SRGAP3: variants seen among roughly 807,000 people sequenced by gnomAD.
SRGAP3 encodes the protein SLIT-ROBO Rho GTPase activating protein 3, also known as SLIT-ROBO Rho GTPase-activating protein 3.
Under a neutral mutation model 121.1 loss-of-function variants are expected in SRGAP3, and 39 were observed. That is an observed-to-expected ratio of 0.32 (90% CI 0.25 to 0.42). The LOEUF (loss-of-function observed/expected upper bound fraction) is 0.42. Among genes scored for constraint, SRGAP3 ranks in the 10% least tolerant of loss-of-function variants. SRGAP3 has a pLI of 1.00. For synonymous variants in SRGAP3, 601 were observed against 570.0 expected (o/e 1.05, Z -0.77); for missense variants, 1,213 against 1,470.6 (o/e 0.82, Z 2.86).
intron 3 of SRGAP3, among the ~76,000 whole-genome samples, chr3:9,101,150 C>G (rs574873047): frequency 1.3e-5 from 2 of 152,298 alleles, no homozygotes; most frequent in East Asian, 3.9e-4. Context: ...AATGAGCTAT[C>G]CTGAGAGGTA....
intron 1 of SRGAP3, among the ~76,000 whole-genome samples, chr3:9,151,073 G>A (rs1230127442): frequency 6.6e-6 from 1 of 152,218 alleles, no homozygotes; most frequent in Non-Finnish European, 1.5e-5. Flanking sequence ...GTCTTTACCT[G>A]GGATGGCTTG....
chr3:9,022,832 T>C (rs1205581893), intron 14 of SRGAP3, among the ~76,000 whole-genome samples: 2 of 152,020 alleles, frequency 1.3e-5, no homozygotes, highest in Admixed American at 6.5e-5. Context: ...ACTGCATCCG[T>C]GAGGAAAAGA....
intron 1 of SRGAP3, among the ~76,000 whole-genome samples, chr3:9,336,174 T>C (rs1228554684): frequency 1.3e-5 from 2 of 152,246 alleles, no homozygotes; most frequent in African/African-American, 4.8e-5. Context: ...TCAATGCTTT[T>C]CAGAACTTGT....
At chr3:9,079,975 G>T (rs1391234472) in intron 4 of SRGAP3, 50 bp downstream of exon 4, 4 of 1,604,408 alleles carry the variant, frequency 2.5e-6, no homozygotes, top group Non-Finnish European at 3.4e-6. Context: ...CTCTGGTGAT[G>T]AAGACAGAGA....
intron 1 of SRGAP3, among the ~76,000 whole-genome samples, chr3:9,337,227 T>G (rs1336578130): frequency 6.6e-6 from 1 of 152,214 alleles, no homozygotes; most frequent in African/African-American, 2.4e-5. Flanking sequence ...CTTTACTCAG[T>G]CTACCAATTT....
chr3:9,312,692 A>G (rs1955268992), intron 3 of SRGAP3, among the ~76,000 whole-genome samples: 1 of 152,184 alleles, frequency 6.6e-6, no homozygotes, highest in Admixed American at 6.5e-5. Context: ...AGGTTCTTTT[A>G]AAATAGACAA....
intron 1 of SRGAP3, among the ~76,000 whole-genome samples, chr3:9,184,103 G>A (rs957017696): frequency 1.3e-5 from 2 of 152,150 alleles, no homozygotes; most frequent in Non-Finnish European, 2.9e-5. Context: ...CTGTAAAGGG[G>A]CTTAAGGAAG....
intron 12 of SRGAP3, among the ~76,000 whole-genome samples, chr3:9,031,614 C>G (rs968254148): frequency 6.6e-6 from 1 of 152,308 alleles, no homozygotes; most frequent in South Asian, 2.1e-4. Flanking sequence ...TGCTTACCCC[C>G]TCCCCTGCCT....
intron 10 of SRGAP3, among the ~76,000 whole-genome samples, chr3:9,039,001 G>T (rs984070981): frequency 4.6e-5 from 7 of 152,072 alleles, no homozygotes; most frequent in African/African-American, 1.7e-4. Context: ...AGGCACTACT[G>T]CTTCCTCCCC....
In SRGAP3 at chr3:9,064,599, G is replaced by C; in HGVS notation, c.487-18C>G. 6.2e-7 allele frequency: 1 copy of C among 1,613,744 alleles called. No homozygotes were observed. The highest frequency in any genetic ancestry group is 8.5e-7 in the Non-Finnish European group (1 of 1,179,946). On this transcript the variant is annotated intron_variant, in intron 4 of 21. Transcript: ENST00000383836. ...TTCATGACCTGGGGGTGCACAAGTA[G>C]GGGAAATCAGCAGCCAGCTATGGCC...
chr3:9,004,742 A>T (rs1942968736), intron 18 of SRGAP3, among the ~76,000 whole-genome samples: 1 of 152,232 alleles, frequency 6.6e-6, no homozygotes, highest in South Asian at 2.1e-4. Flanking sequence ...ATAAAGTTTG[A>T]CCATTACCTT....
intron 1 of SRGAP3, among the ~76,000 whole-genome samples, chr3:9,337,084 T>C (rs1955706127): frequency 6.6e-6 from 1 of 152,124 alleles, no homozygotes; most frequent in African/African-American, 2.4e-5. Context: ...GGTGAGCCCT[T>C]GCAAAAAGGC....
At position 9,015,603 on chromosome 3, in the gene SRGAP3, T is replaced by C. The variant is rs887005054; in HGVS notation, c.1807A>G (p.Thr603Ala). The change falls in exon 15 of 22, where the codon ACT (threonine) becomes GCT (alanine). Residue 603 changes from threonine (T) to alanine (A), a missense_variant. Physicochemically the swap from Thr to Ala is moderately conservative, Grantham distance 58. Around this residue, in one of 2 missense-constraint regions of SRGAP3, gnomAD observed 793 missense variants for 1,032.9 expected, o/e 0.77. Transcript: ENST00000383836. ...TCACCTGGGAAATACTTACTAATAG[T>C]AGATATCAAATCTTGAAACCTTTCC... ...PKERFQDLIS[T>A]IKLENPAERV... The C allele has an allele frequency of 4.3e-6, 7 of 1,614,172 alleles. No homozygotes were observed. Among genetic ancestry groups the C allele is most frequent in the Non-Finnish European group, 5.9e-6 (7 of 1,180,016 alleles).
At chr3:9,138,315 T>C (rs1455271881) in intron 1 of SRGAP3, among the ~76,000 whole-genome samples, 1 of 152,248 alleles carries the variant, frequency 6.6e-6, no homozygotes, top group African/African-American at 2.4e-5. Flanking sequence ...ACTAATGGAA[T>C]GTAACTATAA....
chr3:9,203,179 C>T (rs952866435), intron 1 of SRGAP3, among the ~76,000 whole-genome samples: 3 of 152,180 alleles, frequency 2.0e-5, no homozygotes, highest in African/African-American at 7.2e-5. Context: ...AACTGGAGGG[C>T]ACCATATCCC....
At chr3:9,083,286 T>A (rs889881737) in intron 3 of SRGAP3, among the ~76,000 whole-genome samples, 2 of 152,138 alleles carry the variant, frequency 1.3e-5, no homozygotes, top group Non-Finnish European at 2.9e-5. Flanking sequence ...TCTTTTTACA[T>A]AGGTAATAAA....
chr3:9,105,747 T>C (rs1427329638), intron 2 of SRGAP3, among the ~76,000 whole-genome samples: 1 of 152,222 alleles, frequency 6.6e-6, no homozygotes, highest in Admixed American at 6.5e-5. Context: ...AGAGAAAATC[T>C]GTCTCTTGGC....
intron 18 of SRGAP3, among the ~76,000 whole-genome samples, chr3:9,008,817 A>G (rs1003684643): frequency 2.6e-5 from 4 of 152,140 alleles, no homozygotes; most frequent in African/African-American, 9.7e-5. Flanking sequence ...GGACTGGATC[A>G]TGACTGGGTG....
At chr3:9,091,905 T>C (rs1235096247) in intron 3 of SRGAP3, among the ~76,000 whole-genome samples, 2 of 152,200 alleles carry the variant, frequency 1.3e-5, no homozygotes, top group African/African-American at 4.8e-5. Flanking sequence ...CTCCTGTTGC[T>C]GAACTCCAAA....
Sources: gnomAD v4.1 joint callset for allele counts (sites outside exome capture counted in the v4.1 genomes callset) on GRCh38, gnomAD v4.1.1 for gene constraint, gnomAD v4.1.1 regional missense constraint, MANE v1.5 for transcripts, NCBI Gene and HGNC (gene_info 2026-07-23, HGNC 2026-07-21) for gene names.